The following RPGRIP1 variants were observed in gnomAD, a reference collection of about 807,000 sequenced individuals.
RPGRIP1 encodes the protein RPGR interacting protein 1.
In RPGRIP1, 128 loss-of-function variants were observed where a neutral mutation model predicts 157.9. The ratio of observed to expected loss-of-function variants is 0.81; its 90% CI spans 0.70 to 0.94. The LOEUF (loss-of-function observed/expected upper bound fraction) is 0.94. Among genes scored for constraint, RPGRIP1 ranks in the 40% least tolerant of loss-of-function variants. RPGRIP1 has a pLI of 0.00. For synonymous variants in RPGRIP1, 554 were observed against 571.6 expected (o/e 0.97, Z 0.44); for missense variants, 1,486 against 1,545.8 (o/e 0.96, Z 0.65).
chr14:21,295,141 G>A (rs1880714513), intron 3 of RPGRIP1, among the ~76,000 whole-genome samples: 1 of 151,834 alleles, frequency 6.6e-6, no homozygotes, highest in African/African-American at 2.4e-5. Flanking sequence ...ACTCTGCCCG[G>A]CCCAAAAATA....
Position 21,324,936 on chromosome 14 carries a change from T to C in RPGRIP1, c.2081T>C (p.Leu694Pro). 6.2e-7 allele frequency: 1 copy of C among 1,613,960 alleles called. No homozygotes were observed. Among genetic ancestry groups the C allele is most frequent in the Non-Finnish European group, 8.5e-7 (1 of 1,179,858 alleles). ...METDSLFLHY[L>P]QEASARLDIH... Reference sequence around the variant, plus strand: ...ACAGATTCGCTTTTCTTACACTACCTTCAAGAGGCTTCAGCCCGGCTTGAC... The same window carrying C: ...ACAGATTCGCTTTTCTTACACTACCCTCAAGAGGCTTCAGCCCGGCTTGAC... Residue 694 changes from leucine to proline, a missense_variant, in exon 15 of 25, where the codon CTT (leucine) becomes CCT (proline). Transcript: ENST00000400017.
At chr14:21,291,720 T>A (rs1341655292) in intron 2 of RPGRIP1, among the ~76,000 whole-genome samples, 2 of 152,038 alleles carry the variant, frequency 1.3e-5, no homozygotes, top group African/African-American at 4.8e-5. Flanking sequence ...TAGCTAGGAC[T>A]ACAGGTGCAC....
chr14:21,301,115 G>A lies in RPGRIP1; in HGVS notation c.368G>A (p.Arg123Gln), dbSNP rs1881008379. 1 of 1,608,186 alleles carries A rather than the reference G, an allele frequency of 6.2e-7. No homozygotes were observed. Among genetic ancestry groups the A allele is most frequent in the African/African-American group, 1.3e-5 (1 of 74,866 alleles). Residue 123 changes from arginine (R) to glutamine (Q), a missense_variant, in exon 4 of 25, where the codon CGA becomes CAA. Transcript: ENST00000400017. ...LSMHQRPQMH[R>Q]LQGHFHCVGP... ...ATGCACCAGCGCCCCCAGATGCACCGACTGCAAGGGCATTTCCACTGCGTC... is the reference window on the plus strand; with the variant it reads ...ATGCACCAGCGCCCCCAGATGCACCAACTGCAAGGGCATTTCCACTGCGTC...
Position 21,329,273 on chromosome 14 carries a change from C to T in RPGRIP1, c.3099+646C>T, listed in dbSNP as rs1044437860. Among the ~76,000 whole-genome samples the T allele has an allele frequency of 4.0e-5, 6 of 151,446 alleles. No individual in the cohort carries two copies. The East Asian group carries it at 7.9e-4, about 20-fold the overall frequency. ...GGCGGAGGTTGCAGTGAGCTGAGAT[C>T]GTGCCACTGCATTCCAGCCTGGGCG... On this transcript the variant is annotated intron_variant, in intron 19 of 24. Coordinates refer to ENST00000400017, the MANE Select transcript of RPGRIP1 (RefSeq NM_020366.4).
chr14:21,324,308 A>G (rs4982443), intron 14 of RPGRIP1: 228,218 of 415,564 alleles, frequency 0.55, 63,408 homozygotes, highest in South Asian at 0.65. Context: ...TCATAGGGCC[A>G]CGATGTACAC....
intron 10 of RPGRIP1, among the ~76,000 whole-genome samples, chr14:21,317,312 T>C (rs1881874072): frequency 6.6e-6 from 1 of 152,154 alleles, no homozygotes; most frequent in South Asian, 2.1e-4. Flanking sequence ...TTGGTGAAGG[T>C]AGATGGAGGC....
At chr14:21,318,539 G>C (rs570242355) in intron 11 of RPGRIP1, among the ~76,000 whole-genome samples, 3 of 152,108 alleles carry the variant, frequency 2.0e-5, no homozygotes, top group Non-Finnish European at 4.4e-5. Flanking sequence ...ACAGTGATGC[G>C]ATCTGGGCTC....
chr14:21,310,550 A>G (rs1242787167), intron 7 of RPGRIP1, 34 bp from the exon 8 acceptor site: 5 of 1,152,078 alleles, frequency 4.3e-6, no homozygotes, highest in Non-Finnish European at 3.7e-6. Context: ...GAAATTGATA[A>G]ATCAATAAAA....
chr14:21,325,039 G>A lies in RPGRIP1; in HGVS notation c.2184G>A (p.Val728=). 1.2e-6 allele frequency: 2 copies of A among 1,612,614 alleles called. No individual in the cohort carries two copies. The highest frequency in any genetic ancestry group is 3.3e-4 in the Middle Eastern group (2 of 6,060). The change falls in exon 15 of 25, where the codon GTG becomes GTA. Residue 728 remains valine (V), a synonymous_variant. Coordinates refer to ENST00000400017, the MANE Select transcript of RPGRIP1 (RefSeq NM_020366.4). ...GCTTTGACAGGGTGCTAGAGACTGT[G>A]GAGAAAGTCCATGGCTTGGCCACAC... ...WICFDRVLET[V]EKVHGLATLI...
Position 21,311,915 on chromosome 14 carries a change from T to C in RPGRIP1, c.1022T>C (p.Val341Ala), listed in dbSNP as rs372002940. 2 of 1,613,218 alleles carry C rather than the reference T, an allele frequency of 1.2e-6. No individual in the cohort carries two copies. The highest frequency in any genetic ancestry group is 1.7e-6 in the Non-Finnish European group (2 of 1,179,660). Residue 341 changes from valine to alanine, a missense_variant, in exon 9 of 25, where the codon GTG becomes GCG. By Grantham distance (64) the Val-to-Ala change is moderately conservative (BLOSUM62 0). Coordinates refer to ENST00000400017, the MANE Select transcript of RPGRIP1 (RefSeq NM_020366.4). ...AELKEESKKA[V>A]SLKSQLEDVS... Reference sequence around the variant, plus strand: ...CTGAAGGAAGAAAGCAAGAAGGCTGTGAGCTTGAAGAGCCAACTGGAAGAT... The same window carrying C: ...CTGAAGGAAGAAAGCAAGAAGGCTGCGAGCTTGAAGAGCCAACTGGAAGAT...
chr14:21,301,725 A>AATAATAAT (rs59227988), intron 4 of RPGRIP1, among the ~76,000 whole-genome samples: 94 of 87,396 alleles, frequency 1.1e-3, no homozygotes, highest in East Asian at 1.8e-3. Flanking sequence ...ATAATAATAA[A>AATAATAAT]AAATTAGCCA....
intron 14 of RPGRIP1, among the ~76,000 whole-genome samples, chr14:21,323,044 G>C (rs1882671048): frequency 6.6e-6 from 1 of 152,142 alleles, no homozygotes; most frequent in Non-Finnish European, 1.5e-5. Context: ...CTGCTTCCAT[G>C]AGGAACTTGG....
At position 21,343,217 on chromosome 14, in the gene RPGRIP1, A is replaced by T; in HGVS notation, c.3521A>T (p.His1174Leu). The T allele has an allele frequency of 6.2e-7, 1 of 1,612,480 alleles. No homozygotes were observed. Among genetic ancestry groups the T allele is most frequent in the Non-Finnish European group, 8.5e-7 (1 of 1,179,230 alleles). ...KPRAGEEIHF[H>L]FSKVIDLDPQ... is the part of the protein sequence containing the mutation. ...AGGGCAGGAGAAGAAATCCACTTTC[A>T]CTTTAGCAAGGGTGAGGCATCCTGT... Residue 1174 changes from histidine (H) to leucine (L), a missense_variant, in exon 22 of 25, where the codon CAC becomes CTC. By Grantham distance (99) the His-to-Leu change is moderately conservative. Transcript: ENST00000400017.
intron 1 of RPGRIP1, among the ~76,000 whole-genome samples, chr14:21,281,182 T>G (rs911082638): frequency 2.0e-5 from 3 of 152,106 alleles, no homozygotes; most frequent in African/African-American, 7.2e-5. Context: ...CATGCCCAGC[T>G]AATTTTTGCA....
intron 6 of RPGRIP1, among the ~76,000 whole-genome samples, chr14:21,306,396 G>T (rs1881307315): frequency 6.6e-6 from 1 of 151,558 alleles, no homozygotes; most frequent in Non-Finnish European, 1.5e-5. Flanking sequence ...ACCTCCCAAA[G>T]TGCTGGGATT....
At chr14:21,317,520 G>T in intron 10 of RPGRIP1, 176 bp from the exon 11 acceptor site, 1 of 1,483,370 alleles carries the variant, frequency 6.7e-7, no homozygotes, top group Non-Finnish European at 9.0e-7. Context: ...AACTCAGTAG[G>T]ACTCAAAAGT....
intron 13 of RPGRIP1, 98 bp downstream of exon 13, chr14:21,321,500 A>G: frequency 9.3e-6 from 14 of 1,512,928 alleles, no homozygotes; most frequent in Non-Finnish European, 1.2e-5. Flanking sequence ...TCCAGGGCTG[A>G]TACCAGGTGA....
In RPGRIP1 at chr14:21,351,145, A is replaced by G. The variant is rs1224049964; in HGVS notation, c.3790A>G (p.Lys1264Glu). Reference protein sequence around the residue: ...EDLATPIGRLKVSLQAAAVLH... With the variant: ...EDLATPIGRLEVSLQAAAVLH... Reference sequence around the variant, plus strand: ...TCTGGCTACCCCAATAGGAAGGCTGAAGGTTTCCCTTCAAGCAGCTGCTGT... The same window carrying G: ...TCTGGCTACCCCAATAGGAAGGCTGGAGGTTTCCCTTCAAGCAGCTGCTGT... Residue 1264 changes from lysine (K) to glutamate (E), a missense_variant, in exon 25 of 25, where the codon AAG (lysine) becomes GAG (glutamate). Transcript: ENST00000400017. The G allele has an allele frequency of 6.2e-7, 1 of 1,612,704 alleles. No individual in the cohort carries two copies. Among genetic ancestry groups the G allele is most frequent in the Non-Finnish European group, 8.5e-7 (1 of 1,179,380 alleles).
chr14:21,288,861 G>A (rs554777573), intron 2 of RPGRIP1, among the ~76,000 whole-genome samples: 2 of 152,228 alleles, frequency 1.3e-5, no homozygotes, highest in African/African-American at 4.8e-5. Flanking sequence ...GGTTTAGGAG[G>A]TAAAGCTAAA....
Sources: allele counts gnomAD v4.1 joint callset (sites outside exome capture counted in the v4.1 genomes callset), GRCh38; gene constraint gnomAD v4.1.1; transcripts MANE v1.5; gene names NCBI Gene and HGNC (gene_info 2026-07-23, HGNC 2026-07-21).